CNBD2: variants seen among roughly 807,000 people sequenced by gnomAD.
CNBD2 encodes cyclic nucleotide binding domain containing 2, also known as cyclic nucleotide-binding domain-containing protein 2.
In CNBD2, 64 loss-of-function variants were observed where a neutral mutation model predicts 63.7. The ratio of observed to expected loss-of-function variants is 1.00; its 90% CI spans 0.82 to 1.24. The LOEUF is 1.24. Among genes scored for constraint, CNBD2 ranks in the 50% most tolerant of loss-of-function variants. The pLI is 0.00. For missense variants in CNBD2, 691 were observed against 713.5 expected, an observed-to-expected ratio of 0.97 and a Z score of 0.36; for synonymous variants, 229 against 255.4, an observed-to-expected ratio of 0.90 and a Z score of 0.99.
chr20:35,999,061 T>C (rs74753994), intron 8 of CNBD2, among the ~76,000 whole-genome samples: 221 of 152,282 alleles, frequency 1.5e-3, no homozygotes, highest in African/African-American at 4.9e-3. Context: ...TATTTGTCCC[T>C]GGTAATATTC....
Position 36,023,701 on chromosome 20 carries a change from T to A in CNBD2, c.1369T>A (p.Phe457Ile), listed in dbSNP as rs1436442355. ...NELIRIRKEIFYELIDNDDEM... is the reference protein window; with the variant it reads ...NELIRIRKEIIYELIDNDDEM... The stretch of plus-strand genomic sequence containing the variant: ...GTTGATACGGATAAGGAAGGAAATA[T>A]TTTATGAACTGATTGACAATGATGA... The change falls in exon 11 of 12, where the codon TTT becomes ATT. Residue 457 changes from phenylalanine (F) to isoleucine (I), a missense_variant. By Grantham distance (21) the Phe-to-Ile change is conservative. Coordinates refer to ENST00000373973, the MANE Select transcript of CNBD2 (RefSeq NM_001365709.1). 32 of 1,613,902 alleles carry A rather than the reference T, an allele frequency of 2.0e-5. No individual in the cohort carries two copies. Among genetic ancestry groups the A allele is most frequent in the Non-Finnish European group, 2.7e-5 (32 of 1,179,920 alleles).
At chr20:36,016,271 T>C (rs1410685579) in intron 10 of CNBD2, among the ~76,000 whole-genome samples, 1 of 152,160 alleles carries the variant, frequency 6.6e-6, no homozygotes, top group Admixed American at 6.5e-5. Context: ...TTATTAAATG[T>C]AATGTTGTAT....
chr20:35,988,316 G>A (rs2147255009), intron 7 of CNBD2, among the ~76,000 whole-genome samples: 1 of 152,152 alleles, frequency 6.6e-6, no homozygotes, highest in Middle Eastern at 3.4e-3. Context: ...ATAGGTATGT[G>A]CCACCATGCC....
At chr20:35,974,839 G>C (rs544811681) in intron 2 of CNBD2, 4 of 152,334 alleles carry the variant, frequency 2.6e-5, no homozygotes, top group Admixed American at 6.5e-5. Context: ...CCTTGGGCAA[G>C]TTCCTTCACC....
intron 11 of CNBD2, among the ~76,000 whole-genome samples, chr20:36,026,803 T>C (rs2057287746): frequency 6.6e-6 from 1 of 152,330 alleles, no homozygotes; most frequent in Non-Finnish European, 1.5e-5. Flanking sequence ...TTCTGCACAC[T>C]CATAATATTC....
At chr20:35,989,411 C>G (rs1160033706) in intron 7 of CNBD2, among the ~76,000 whole-genome samples, 1 of 152,116 alleles carries the variant, frequency 6.6e-6, no homozygotes. Flanking sequence ...CACACATAGA[C>G]AAAGAAAAGT....
At chr20:36,018,628 G>A (rs2057167217) in intron 10 of CNBD2, among the ~76,000 whole-genome samples, 1 of 152,136 alleles carries the variant, frequency 6.6e-6, no homozygotes, top group Non-Finnish European at 1.5e-5. Context: ...TAGCAGTGTG[G>A]AGCTGGGTCA....
Position 35,984,869 on chromosome 20 carries a change from G to T in CNBD2, c.716+91G>T, listed in dbSNP as rs1601038851. 6 of 1,337,434 alleles carry T rather than the reference G, an allele frequency of 4.5e-6. No individual in the cohort carries two copies. The East Asian group carries it at 1.4e-4, about 31-fold the overall frequency. 82.8% of individuals were successfully genotyped at this position (1,337,434 alleles called of 1,614,324 possible). ...TCCTAGGCCTGGTGGGAAACATACTGGTTGCTGTTCTCTCTGTCTGGGATG... is the reference window on the plus strand; with the variant it reads ...TCCTAGGCCTGGTGGGAAACATACTTGTTGCTGTTCTCTCTGTCTGGGATG... On this transcript the variant is annotated intron_variant, in intron 6 of 11. Coordinates refer to ENST00000373973, the MANE Select transcript of CNBD2 (RefSeq NM_001365709.1).
intron 11 of CNBD2, among the ~76,000 whole-genome samples, chr20:36,026,927 G>A (rs1003023515): frequency 3.3e-5 from 5 of 152,270 alleles, no homozygotes; most frequent in African/African-American, 4.8e-5. Flanking sequence ...TGCTTTATCC[G>A]CCTTTGGTCT....
intron 9 of CNBD2, among the ~76,000 whole-genome samples, chr20:36,010,848 C>A (rs533528722): frequency 6.6e-6 from 1 of 152,208 alleles, no homozygotes; most frequent in East Asian, 1.9e-4. Flanking sequence ...ACCCATTAGG[C>A]CTGGCTTGGC....
intron 7 of CNBD2, among the ~76,000 whole-genome samples, chr20:35,990,765 A>G (rs1391673846): frequency 1.3e-5 from 2 of 152,202 alleles, no homozygotes; most frequent in East Asian, 3.9e-4. Flanking sequence ...AGCCTGGCCA[A>G]CATGGTAAAA....
intron 7 of CNBD2, among the ~76,000 whole-genome samples, chr20:35,990,448 T>C (rs1447963703): frequency 1.3e-5 from 2 of 152,080 alleles, no homozygotes; most frequent in African/African-American, 2.4e-5. Context: ...CTGGCCAACA[T>C]GGTGAAACCT....
At chr20:35,998,851 C>T (rs113881012) in intron 8 of CNBD2, among the ~76,000 whole-genome samples, 4,265 of 127,788 alleles carry the variant, frequency 0.033, 221 homozygotes, top group African/African-American at 0.12. Context: ...CCAGTCCGAG[C>T]GACAGAGCAA....
chr20:35,956,829 G>A (rs1209653206), downstream of CNBD2, among the ~76,000 whole-genome samples: 1 of 152,176 alleles, frequency 6.6e-6, no homozygotes, highest in Non-Finnish European at 1.5e-5. Context: ...AATGGGTGGG[G>A]CTCAGGGACA....
intron 11 of CNBD2, 41 bp downstream of exon 11, chr20:36,023,812 G>A: frequency 6.7e-7 from 1 of 1,497,762 alleles, no homozygotes; most frequent in Non-Finnish European, 9.0e-7. Flanking sequence ...CAGGTGAAAT[G>A]AACAATTTTT....
At chr20:35,960,513 T>TTTTG (rs934539948) in intron 2 of CNBD2, among the ~76,000 whole-genome samples, 1 of 152,192 alleles carries the variant, frequency 6.6e-6, no homozygotes, top group African/African-American at 2.4e-5. Context: ...CTAATTGTTT[T>TTTTG]TTTGTTTGTT....
intron 6 of CNBD2, among the ~76,000 whole-genome samples, chr20:35,985,264 A>C (rs981569223): frequency 6.6e-6 from 1 of 151,884 alleles, no homozygotes; most frequent in Admixed American, 6.6e-5. Flanking sequence ...GCATCACTGC[A>C]CTCCAGCCTG....
At chr20:35,973,134 A>C (rs946744383) in intron 2 of CNBD2, 7 of 375,338 alleles carry the variant, frequency 1.9e-5, no homozygotes, top group African/African-American at 8.2e-5. Flanking sequence ...TCTCTTTCCA[A>C]ATTCATCAAA....
intron 4 of CNBD2, among the ~76,000 whole-genome samples, chr20:35,983,347 T>G (rs2056622241): frequency 6.6e-6 from 1 of 152,130 alleles, no homozygotes; most frequent in South Asian, 2.1e-4. Flanking sequence ...ATCGAAAGAA[T>G]TGAGATTTGG....
Sources: allele counts gnomAD v4.1 joint callset (sites outside exome capture counted in the v4.1 genomes callset), GRCh38; gene constraint gnomAD v4.1.1; transcripts MANE v1.5; gene names NCBI Gene and HGNC (gene_info 2026-07-23, HGNC 2026-07-21).